CRTAC1: variants seen among roughly 807,000 people sequenced by gnomAD.
CRTAC1 encodes acidic secreted protein in cartilage.
In CRTAC1, 37 loss-of-function variants were observed where a neutral mutation model predicts 67.8. The ratio of observed to expected loss-of-function variants is 0.55; its 90% confidence interval spans 0.42 to 0.72. CRTAC1 has a LOEUF of 0.72. Among genes scored for constraint, CRTAC1 ranks in the 30% least tolerant of loss-of-function variants. The pLI is 0.00. For synonymous variants in CRTAC1, 348 were observed against 371.0 expected (o/e 0.94, Z 0.71); for missense variants, 780 against 931.6 (o/e 0.84, Z 2.12).
intron 1 of CRTAC1, among the ~76,000 whole-genome samples, chr10:98,025,749 C>T (rs1223832623): frequency 3.3e-5 from 5 of 152,226 alleles, no homozygotes; most frequent in Admixed American, 2.0e-4. Flanking sequence ...GCAGGAGGCT[C>T]GGTGAGCACG....
At chr10:98,014,765 A>G (rs1842965039) in intron 1 of CRTAC1, among the ~76,000 whole-genome samples, 1 of 152,228 alleles carries the variant, frequency 6.6e-6, no homozygotes, top group Non-Finnish European at 1.5e-5. Context: ...CACACCCATT[A>G]GGATGGCTGT....
At chr10:97,923,499 G>A in intron 3 of CRTAC1, 99 bp from the exon 4 acceptor site, 1 of 1,474,520 alleles carries the variant, frequency 6.8e-7, no homozygotes, top group Non-Finnish European at 9.4e-7. Flanking sequence ...AGGTGGTTGG[G>A]ACCAGAGGAG....
intron 2 of CRTAC1, among the ~76,000 whole-genome samples, chr10:98,006,818 T>C (rs984611407): frequency 6.6e-6 from 1 of 152,118 alleles, no homozygotes; most frequent in Non-Finnish European, 1.5e-5. Flanking sequence ...TATAAGGTAA[T>C]AGAGGGTGGA....
intron 5 of CRTAC1, among the ~76,000 whole-genome samples, chr10:97,912,367 A>G (rs2050698631): frequency 6.6e-6 from 1 of 152,126 alleles, no homozygotes; most frequent in African/African-American, 2.4e-5. Context: ...CAGGCTGGGT[A>G]GGGGCTGGAG....
chr10:97,907,109 C>G (rs2050623172), intron 6 of CRTAC1, among the ~76,000 whole-genome samples: 1 of 152,176 alleles, frequency 6.6e-6, no homozygotes, highest in East Asian at 1.9e-4. Context: ...TGTCATTCAG[C>G]AGAATTTACC....
chr10:98,026,002 G>A (rs1172765026), intron 1 of CRTAC1, among the ~76,000 whole-genome samples: 1 of 152,230 alleles, frequency 6.6e-6, no homozygotes, highest in African/African-American at 2.4e-5. Flanking sequence ...ATATTGCTGT[G>A]AGCAGAGGCT....
At chr10:97,893,427 T>C (rs943823287) in intron 11 of CRTAC1, among the ~76,000 whole-genome samples, 1 of 152,188 alleles carries the variant, frequency 6.6e-6, no homozygotes, top group African/African-American at 2.4e-5. Context: ...TCTGAACCAT[T>C]GCATTTCAGT....
chr10:97,886,596 C>T (rs56689688), intron 11 of CRTAC1, among the ~76,000 whole-genome samples: 4 of 151,916 alleles, frequency 2.6e-5, no homozygotes, highest in Admixed American at 1.3e-4. Context: ...TCTGCAGAAG[C>T]GGGGTGAAAA....
intron 14 of CRTAC1, among the ~76,000 whole-genome samples, chr10:97,871,950 C>T (rs1248274661): frequency 6.6e-6 from 1 of 152,200 alleles, no homozygotes. Context: ...CCAGCTATCA[C>T]CTGAGAACAG....
intron 3 of CRTAC1, among the ~76,000 whole-genome samples, chr10:97,930,937 A>G (rs1352697670): frequency 6.6e-6 from 1 of 151,398 alleles, no homozygotes; most frequent in African/African-American, 2.4e-5. Context: ...AAAAAAAATG[A>G]CAAACAAGGG....
intron 12 of CRTAC1, 56 bp from the exon 13 acceptor site, chr10:97,882,884 T>G (rs2050234741): frequency 6.4e-7 from 1 of 1,572,076 alleles, no homozygotes; most frequent in African/African-American, 1.3e-5. Context: ...CCATCCCAGG[T>G]TCCCTCCTAG....
intron 2 of CRTAC1, among the ~76,000 whole-genome samples, chr10:97,981,596 C>T (rs890436039): frequency 1.3e-5 from 2 of 152,146 alleles, no homozygotes; most frequent in African/African-American, 2.4e-5. Context: ...CAACAAATAG[C>T]CTTGCACATA....
At chr10:97,993,947 C>G (rs1179607067) in intron 2 of CRTAC1, among the ~76,000 whole-genome samples, 1 of 152,090 alleles carries the variant, frequency 6.6e-6, no homozygotes, top group Non-Finnish European at 1.5e-5. Flanking sequence ...ACCTCCACCT[C>G]CTGGGTTCAA....
At chr10:97,984,165 C>G (rs540513451) in intron 2 of CRTAC1, among the ~76,000 whole-genome samples, 60 of 152,308 alleles carry the variant, frequency 3.9e-4, no homozygotes, top group African/African-American at 1.4e-3. Flanking sequence ...GGGGCAGGGT[C>G]TCAGACTGCA....
intron 3 of CRTAC1, among the ~76,000 whole-genome samples, chr10:97,928,579 G>T (rs2050956427): frequency 6.6e-6 from 1 of 152,230 alleles, no homozygotes; most frequent in Non-Finnish European, 1.5e-5. Flanking sequence ...AAGGGGACTT[G>T]CCTAAGATCC....
chr10:97,903,888 A>G (rs1412558592), intron 7 of CRTAC1, among the ~76,000 whole-genome samples: 4 of 152,084 alleles, frequency 2.6e-5, no homozygotes, highest in African/African-American at 7.2e-5. Context: ...CTTGCCTGCC[A>G]TCTGCTGTTT....
intron 11 of CRTAC1, among the ~76,000 whole-genome samples, chr10:97,889,573 C>T (rs191908039): frequency 1.2e-4 from 19 of 152,108 alleles, no homozygotes; most frequent in African/African-American, 4.6e-4. Flanking sequence ...CACTCATTAC[C>T]CATGGACGGA....
intron 1 of CRTAC1, among the ~76,000 whole-genome samples, chr10:98,019,792 G>A (rs1247189048): frequency 6.6e-6 from 1 of 152,150 alleles, no homozygotes; most frequent in Non-Finnish European, 1.5e-5. Flanking sequence ...CAAGCCCCAC[G>A]GGAGCCTGGC....
intron 8 of CRTAC1, among the ~76,000 whole-genome samples, chr10:97,899,236 G>T (rs759988235): frequency 6.6e-6 from 1 of 152,186 alleles, no homozygotes. Flanking sequence ...CTGCCACAGG[G>T]ACTTGGGGCA....
Sources: allele counts gnomAD v4.1 joint callset (sites outside exome capture counted in the v4.1 genomes callset), GRCh38; gene constraint gnomAD v4.1.1; transcripts MANE v1.5; gene names NCBI Gene and HGNC (gene_info 2026-07-23, HGNC 2026-07-21).